RXYLT1: variants seen among roughly 807,000 people sequenced by gnomAD.
RXYLT1 encodes ribitol-5-phosphate xylosyltransferase 1.
In RXYLT1, 41 loss-of-function variants were observed where a neutral mutation model predicts 43.5. The observed-to-expected ratio is 0.94, with a 90% CI of 0.73 to 1.22. The LOEUF is 1.22. Among genes scored for constraint, RXYLT1 ranks in the 50% most tolerant of loss-of-function variants. The probability of loss-of-function intolerance (pLI) is 0.00; values close to 1 mark genes in which losing one functional copy is unlikely to be tolerated. For synonymous variants in RXYLT1, 166 were observed against 194.4 expected (o/e 0.85, Z 1.21); for missense variants, 514 against 532.0 (o/e 0.97, Z 0.33).
At chr12:63,782,012 C>G (rs144241822) in intron 2 of RXYLT1, among the ~76,000 whole-genome samples, 1 of 152,314 alleles carries the variant, frequency 6.6e-6, no homozygotes, top group Non-Finnish European at 1.5e-5. Context: ...CTTCAATCAT[C>G]AAGTTCTAGC....
intron 4 of RXYLT1, 85 bp from the exon 5 acceptor site, chr12:63,805,149 C>A: frequency 9.5e-7 from 1 of 1,050,630 alleles, no homozygotes; most frequent in Non-Finnish European, 1.3e-6. Context: ...CTTCTGTATA[C>A]TTCTTGCTAC....
At chr12:63,792,859 A>G (rs569875617) in intron 3 of RXYLT1, among the ~76,000 whole-genome samples, 1 of 152,202 alleles carries the variant, frequency 6.6e-6, no homozygotes. Flanking sequence ...TCTACAAGTC[A>G]CCTCCAATAT....
intron 3 of RXYLT1, among the ~76,000 whole-genome samples, chr12:63,797,283 C>T (rs1898056886): frequency 1.3e-5 from 2 of 151,396 alleles, no homozygotes; most frequent in African/African-American, 4.9e-5. Context: ...ATTTTCATAC[C>T]ATATAGAAAG....
chr12:63,799,340 T>C (rs1297255040), intron 3 of RXYLT1, among the ~76,000 whole-genome samples: 2 of 148,692 alleles, frequency 1.3e-5, no homozygotes, highest in Non-Finnish European at 3.0e-5. Flanking sequence ...AACGTTTCAT[T>C]GTTACCCAGG....
chr12:63,800,503 T>C (rs1898135033), intron 3 of RXYLT1, among the ~76,000 whole-genome samples: 1 of 152,234 alleles, frequency 6.6e-6, no homozygotes, highest in Non-Finnish European at 1.5e-5. Flanking sequence ...GTACTTGTTC[T>C]ATTTAATACA....
intron 1 of RXYLT1, 50 bp from the exon 2 acceptor site, chr12:63,780,969 T>C (rs201952229): frequency 3.1e-5 from 43 of 1,392,934 alleles, no homozygotes; most frequent in Middle Eastern, 3.8e-4. Context: ...TGAATTTACC[T>C]ACAACTGCAA....
intron 2 of RXYLT1, among the ~76,000 whole-genome samples, chr12:63,784,311 CAG>C (rs1897753144): frequency 6.6e-6 from 1 of 152,090 alleles, no homozygotes; most frequent in Non-Finnish European, 1.5e-5. Flanking sequence ...GTAACCAAAA[CAG>C]GGTGCCCAGA....
At chr12:63,795,808 T>C (rs1348690216) in intron 3 of RXYLT1, 2 of 152,122 alleles carry the variant, frequency 1.3e-5, no homozygotes, top group East Asian at 1.9e-4. Flanking sequence ...ACCCAAATTA[T>C]TTCCTGTAAA....
rs765079332 is a variant in RXYLT1 at position 63,802,150 on chromosome 12, T to C, written c.488T>C (p.Val163Ala). ...GYFSVDVNNV[V>A]LILNGREKAK... ...TTCTCCGTTGATGTGAATAATGTGGTACTCATTTTAAATGGAAGAGAAAAA... is the reference window on the plus strand; with the variant it reads ...TTCTCCGTTGATGTGAATAATGTGGCACTCATTTTAAATGGAAGAGAAAAA... The change falls in exon 4 of 6, where the codon GTA becomes GCA. Residue 163 changes from valine (V) to alanine (A), a missense_variant. Transcript: ENST00000261234. 1 of 1,614,038 alleles carries C rather than the reference T, an allele frequency of 6.2e-7. No individual in the cohort carries two copies. The highest frequency in any genetic ancestry group is 8.5e-7 in the Non-Finnish European group (1 of 1,180,000).
At position 63,802,144 on chromosome 12, in the gene RXYLT1, A is replaced by C; in HGVS notation, c.482A>C (p.Asn161Thr). ...IPGYFSVDVN[N>T]VVLILNGREK... ...GGGTACTTCTCCGTTGATGTGAATA[A>C]TGTGGTACTCATTTTAAATGGAAGA... The change falls in exon 4 of 6, where the codon AAT (asparagine) becomes ACT (threonine). Residue 161 changes from asparagine to threonine, a missense_variant. Asn to Thr is a moderately conservative substitution (Grantham distance 65). Coordinates refer to ENST00000261234, the MANE Select transcript of RXYLT1 (RefSeq NM_014254.3). 6.2e-7 allele frequency: 1 copy of C among 1,613,964 alleles called. No homozygotes were observed. The highest frequency in any genetic ancestry group is 8.5e-7 in the Non-Finnish European group (1 of 1,179,956).
chr12:63,779,934 G>A lies in RXYLT1; in HGVS notation c.-27G>A. On this transcript the variant is annotated 5_prime_UTR_variant, in exon 1 of 6. Coordinates refer to ENST00000261234, the MANE Select transcript of RXYLT1 (RefSeq NM_014254.3). ...CTCTTTCCGCCCGCTCCATGGCGGT[G>A]GATGCCTGACTGGAAGCCCGAGTGG... The A allele has an allele frequency of 6.2e-7, 1 of 1,608,940 alleles. No individual in the cohort carries two copies. The highest frequency in any genetic ancestry group is 8.5e-7 in the Non-Finnish European group (1 of 1,178,704).
chr12:63,792,323 T>A (rs1897934502), intron 3 of RXYLT1, among the ~76,000 whole-genome samples: 1 of 152,212 alleles, frequency 6.6e-6, no homozygotes, highest in Non-Finnish European at 1.5e-5. Flanking sequence ...TTTGATATAT[T>A]TTTGGTTTGA....
rs768234782 is a variant in RXYLT1 at position 63,805,285 on chromosome 12, G to A, written c.795G>A (p.Glu265=). The change falls in exon 5 of 6, where the codon GAG becomes GAA. Residue 265 remains glutamate, a synonymous_variant. Coordinates refer to ENST00000261234, the MANE Select transcript of RXYLT1 (RefSeq NM_014254.3). ...VEASWSMLHD[E]RPYLCNFLGT... ...CAAGTTGGTCAATGCTGCATGATGA[G>A]AGGCCATATTTATGTAATTTCTTAG... The A allele has an allele frequency of 6.2e-7, 1 of 1,613,426 alleles. No individual in the cohort carries two copies. The highest frequency in any genetic ancestry group is 1.7e-5 in the Admixed American group (1 of 59,912).
intron 3 of RXYLT1, among the ~76,000 whole-genome samples, chr12:63,790,754 A>G (rs528813598): frequency 1.9e-3 from 284 of 152,174 alleles, no homozygotes; most frequent in African/African-American, 6.6e-3. Context: ...GAGCCACCAC[A>G]CCTGGCCTAG....
intron 5 of RXYLT1, 146 bp from the exon 6 acceptor site, chr12:63,808,529 C>T (rs1592859162): frequency 1.3e-6 from 1 of 786,650 alleles, no homozygotes; most frequent in Non-Finnish European, 1.9e-6. Flanking sequence ...CTGTTTGGGC[C>T]AGGATTTTGG....
intron 3 of RXYLT1, among the ~76,000 whole-genome samples, chr12:63,796,521 A>G (rs1898034286): frequency 6.6e-6 from 1 of 152,226 alleles, no homozygotes; most frequent in Non-Finnish European, 1.5e-5. Context: ...AAATACCCAA[A>G]GACAAATAAA....
chr12:63,795,832 A>G (rs1163072815), intron 3 of RXYLT1: 1 of 152,158 alleles, frequency 6.6e-6, no homozygotes, highest in African/African-American at 2.4e-5. Flanking sequence ...ATGGGAAATT[A>G]TTGTTTTTTA....
intron 5 of RXYLT1, chr12:63,805,764 C>G (rs1263313480): frequency 2.5e-5 from 4 of 160,714 alleles, no homozygotes; most frequent in East Asian, 1.8e-4. Context: ...GTTCCAAGAC[C>G]GGTGTGCAGG....
At chr12:63,787,163 A>G (rs1034166109) in intron 3 of RXYLT1, among the ~76,000 whole-genome samples, 14 of 152,250 alleles carry the variant, frequency 9.2e-5, no homozygotes, top group African/African-American at 3.1e-4. Context: ...TTTATCAACT[A>G]CATTTTTGGA....
Sources: allele counts gnomAD v4.1 joint callset (sites outside exome capture counted in the v4.1 genomes callset), GRCh38; gene constraint gnomAD v4.1.1; transcripts MANE v1.5; gene names NCBI Gene and HGNC (gene_info 2026-07-23, HGNC 2026-07-21).